ERBB4: variants seen among roughly 807,000 people sequenced by gnomAD.
The protein encoded by ERBB4 is erb-b2 receptor tyrosine kinase 4, also known as receptor tyrosine-protein kinase erbB-4.
Under a neutral mutation model 158.0 loss-of-function variants are expected in ERBB4, and 42 were observed. The ratio of observed to expected loss-of-function variants is 0.27; its 90% CI spans 0.21 to 0.34. ERBB4 has a LOEUF of 0.34. ERBB4 is among the 10% of genes least tolerant of loss of function. The probability of loss-of-function intolerance (pLI) is 1.00; values close to 1 mark genes in which losing one functional copy is unlikely to be tolerated. For synonymous variants in ERBB4, 583 were observed against 558.7 expected (o/e 1.04, Z -0.61); for missense variants, 1,333 against 1,624.1 (o/e 0.82, Z 3.08).
At chr2:212,321,475 T>C (rs900580091) in intron 1 of ERBB4, among the ~76,000 whole-genome samples, 3 of 150,460 alleles carry the variant, frequency 2.0e-5, no homozygotes, top group African/African-American at 4.8e-5. Flanking sequence ...CATTTTGGGA[T>C]CCCAAGAGTT....
chr2:211,803,285 G>A (rs2076541158), intron 3 of ERBB4, among the ~76,000 whole-genome samples: 1 of 152,094 alleles, frequency 6.6e-6, no homozygotes, highest in Non-Finnish European at 1.5e-5. Context: ...TACATTCTAA[G>A]AATAGAAATG....
chr2:212,147,976 A>G (rs2080738779), intron 1 of ERBB4, among the ~76,000 whole-genome samples: 1 of 152,158 alleles, frequency 6.6e-6, no homozygotes, highest in African/African-American at 2.4e-5. Flanking sequence ...GTAATATCAG[A>G]TGACTAAGTT....
intron 1 of ERBB4, among the ~76,000 whole-genome samples, chr2:212,204,875 A>G (rs1447856026): frequency 6.7e-6 from 1 of 148,336 alleles, no homozygotes; most frequent in Admixed American, 6.7e-5. Context: ...CTGAAGTGCA[A>G]TGGCATGATC....
intron 23 of ERBB4, among the ~76,000 whole-genome samples, chr2:211,423,396 C>A (rs566248612): frequency 3.3e-5 from 5 of 152,000 alleles, no homozygotes; most frequent in African/African-American, 9.6e-5. Flanking sequence ...TTTGCTAACC[C>A]CGTGTAAATC....
At chr2:212,343,854 T>G (rs923135269) in intron 1 of ERBB4, among the ~76,000 whole-genome samples, 1 of 152,172 alleles carries the variant, frequency 6.6e-6, no homozygotes, top group East Asian at 1.9e-4. Context: ...CTAGTTATAT[T>G]TACTTTTACC....
chr2:211,476,879 C>T (rs1394687367), intron 20 of ERBB4, among the ~76,000 whole-genome samples: 1 of 152,094 alleles, frequency 6.6e-6, no homozygotes, highest in Non-Finnish European at 1.5e-5. Context: ...GGAAACTCTA[C>T]AAGTGAAAAA....
chr2:211,443,403 A>G (rs1213067923), intron 20 of ERBB4, among the ~76,000 whole-genome samples: 1 of 152,018 alleles, frequency 6.6e-6, no homozygotes, highest in East Asian at 1.9e-4. Context: ...CTGGAATACT[A>G]TTTGGGCTTT....
intron 2 of ERBB4, among the ~76,000 whole-genome samples, chr2:212,117,149 A>C (rs1357199003): frequency 6.6e-6 from 1 of 152,224 alleles, no homozygotes; most frequent in African/African-American, 2.4e-5. Context: ...GCTTTGGCCT[A>C]AATGACATGT....
chr2:211,506,982 G>A (rs146409727), intron 20 of ERBB4, among the ~76,000 whole-genome samples: 15 of 151,940 alleles, frequency 9.9e-5, no homozygotes, highest in African/African-American at 2.4e-4. Context: ...CTAGTTTAAC[G>A]AAGAAAAATA....
At chr2:211,678,413 A>C (rs2072187838) in intron 13 of ERBB4, among the ~76,000 whole-genome samples, 1 of 152,128 alleles carries the variant, frequency 6.6e-6, no homozygotes, top group Non-Finnish European at 1.5e-5. Flanking sequence ...CATGGAGAGG[A>C]AGATTACTTA....
intron 1 of ERBB4, among the ~76,000 whole-genome samples, chr2:212,141,000 TA>T (rs1261356117): frequency 6.6e-6 from 1 of 151,742 alleles, no homozygotes; most frequent in Admixed American, 6.6e-5. Context: ...TTTTACTAAT[TA>T]TTTATCTCTT....
In ERBB4 at chr2:211,580,375, GC is replaced by G. The variant is rs547835905; in HGVS notation, c.2302-18288del. Among the ~76,000 whole-genome samples the G allele has an allele frequency of 1.3e-3, 195 of 152,022 alleles. 1 individual carries two copies. The highest frequency in any genetic ancestry group is 4.5e-3 in the African/African-American group (186 of 41,484). On this transcript the variant is annotated intron_variant, in intron 19 of 27. Coordinates refer to ENST00000342788, the MANE Select transcript of ERBB4 (RefSeq NM_005235.3). ...ATTCTCAAAAGAAGATGTACAAAAG[GC>G]CAACAAACATATGAAAAAATGCTCA...
chr2:211,890,686 G>T (rs2078940285), intron 3 of ERBB4, among the ~76,000 whole-genome samples: 1 of 132,826 alleles, frequency 7.5e-6, no homozygotes, highest in African/African-American at 3.1e-5. Context: ...ACACACATAG[G>T]CTCAAAATAA....
At chr2:212,474,735 G>A (rs868410192) in intron 1 of ERBB4, among the ~76,000 whole-genome samples, 1 of 151,208 alleles carries the variant, frequency 6.6e-6, no homozygotes, top group African/African-American at 2.4e-5. Flanking sequence ...ATGTTGGGTA[G>A]GCATTTCCAA....
At chr2:212,048,445 T>C (rs1053560420) in intron 2 of ERBB4, among the ~76,000 whole-genome samples, 11 of 152,096 alleles carry the variant, frequency 7.2e-5, no homozygotes, top group Non-Finnish European at 2.9e-5. Context: ...GACAAGTAAA[T>C]ATATTTGGGT....
At position 211,947,424 on chromosome 2, in the gene ERBB4, C is replaced by A. The variant is rs762495384; in HGVS notation, c.421+6G>T. The A allele has an allele frequency of 1.2e-5, 19 of 1,610,966 alleles. No individual in the cohort carries two copies. Among genetic ancestry groups the A allele is most frequent in the Non-Finnish European group, 1.6e-5 (19 of 1,177,452 alleles). ...GCATATTTGCCATTTTGGATATATT[C>A]CTTACCTGTCAAGTTCTTTAATCCA... On this transcript the variant is annotated splice_donor_region_variant and intron_variant, in intron 3 of 27. Coordinates refer to ENST00000342788, the MANE Select transcript of ERBB4 (RefSeq NM_005235.3).
intron 19 of ERBB4, among the ~76,000 whole-genome samples, chr2:211,595,956 C>A (rs1193764161): frequency 6.6e-6 from 1 of 151,970 alleles, no homozygotes; most frequent in African/African-American, 2.4e-5. Flanking sequence ...TTTATGCCAA[C>A]AATATCCAAT....
At chr2:211,849,633 A>G (rs1049082336) in intron 3 of ERBB4, among the ~76,000 whole-genome samples, 1 of 151,966 alleles carries the variant, frequency 6.6e-6, no homozygotes, top group South Asian at 2.1e-4. Flanking sequence ...GAAGATGTAG[A>G]GAAGCCTACT....
At chr2:211,832,786 C>A (rs996545955) in intron 3 of ERBB4, among the ~76,000 whole-genome samples, 1 of 150,574 alleles carries the variant, frequency 6.6e-6, no homozygotes, top group African/African-American at 2.4e-5. Context: ...AACACATTCC[C>A]TGTCTATACG....
Sources: gnomAD v4.1 joint callset for allele counts (sites outside exome capture counted in the v4.1 genomes callset) on GRCh38, gnomAD v4.1.1 for gene constraint, MANE v1.5 for transcripts, NCBI Gene and HGNC (gene_info 2026-07-23, HGNC 2026-07-21) for gene names.